The following BTBD9 variants were observed in gnomAD, a reference collection of about 807,000 sequenced individuals.
BTBD9 encodes BTB/POZ domain-containing protein 9.
Under a neutral mutation model 64.3 loss-of-function variants are expected in BTBD9, and 49 were observed. The ratio of observed to expected loss-of-function variants is 0.76; its 90% confidence interval spans 0.61 to 0.97. The LOEUF is 0.97. Ranked by LOEUF, BTBD9 falls within the 50% of genes least tolerant of loss-of-function variation. The pLI is 0.00. For synonymous variants in BTBD9, 260 were observed against 274.7 expected, an observed-to-expected ratio of 0.95 and a Z score of 0.53; for missense variants, 598 against 762.1, an observed-to-expected ratio of 0.78 and a Z score of 2.53.
intron 6 of BTBD9, among the ~76,000 whole-genome samples, chr6:38,385,228 G>A (rs1344573438): frequency 6.7e-6 from 1 of 148,702 alleles, no homozygotes; most frequent in Non-Finnish European, 1.5e-5. Flanking sequence ...GTCTTGCTCT[G>A]TCGCCCAGGC....
intron 6 of BTBD9, among the ~76,000 whole-genome samples, chr6:38,402,000 A>G (rs1380900678): frequency 6.6e-6 from 1 of 152,230 alleles, no homozygotes; most frequent in Non-Finnish European, 1.5e-5. Context: ...GATGTTCTTT[A>G]AAATTGCTAA....
At chr6:38,500,524 T>A (rs1003275706) in intron 6 of BTBD9, among the ~76,000 whole-genome samples, 41 of 152,168 alleles carry the variant, frequency 2.7e-4, no homozygotes, top group Non-Finnish European at 7.3e-5. Flanking sequence ...TTCTCACTCC[T>A]CCCTTTGCAC....
At chr6:38,611,716 A>G (rs1427013109) in intron 1 of BTBD9, among the ~76,000 whole-genome samples, 2 of 152,180 alleles carry the variant, frequency 1.3e-5, no homozygotes, top group Non-Finnish European at 2.9e-5. Context: ...TACCCATCTT[A>G]AAAATATCTC....
chr6:38,419,909 C>T (rs1767830362), intron 6 of BTBD9, among the ~76,000 whole-genome samples: 1 of 152,014 alleles, frequency 6.6e-6, no homozygotes, highest in Non-Finnish European at 1.5e-5. Flanking sequence ...ACTATTTTAA[C>T]ATTTTTTATG....
At chr6:38,190,772 T>C (rs1356787983) in intron 10 of BTBD9, among the ~76,000 whole-genome samples, 1 of 152,150 alleles carries the variant, frequency 6.6e-6, no homozygotes, top group Non-Finnish European at 1.5e-5. Flanking sequence ...TAGAATAGCT[T>C]TGAAAAAAAA....
chr6:38,346,749 G>A (rs1764291590), intron 6 of BTBD9, among the ~76,000 whole-genome samples: 1 of 152,252 alleles, frequency 6.6e-6, no homozygotes, highest in Non-Finnish European at 1.5e-5. Context: ...ATTAATTCTG[G>A]CACCTTGGCC....
intron 6 of BTBD9, among the ~76,000 whole-genome samples, chr6:38,374,283 G>GTATATATATATATACA (rs57568036): frequency 0.025 from 1,115 of 45,026 alleles, 93 homozygotes; most frequent in East Asian, 0.21. Flanking sequence ...AAAAAAAAAA[G>GTATATATATATATACA]TATATATATA....
intron 9 of BTBD9, among the ~76,000 whole-genome samples, chr6:38,241,641 G>A (rs1482335848): frequency 6.6e-6 from 1 of 152,178 alleles, no homozygotes; most frequent in Non-Finnish European, 1.5e-5. Flanking sequence ...CTATACTTTA[G>A]AACTTTGTAA....
At position 38,385,794 on chromosome 6, in the gene BTBD9, CT is replaced by C. The variant is rs34019950; in HGVS notation, c.1155-40702del. Among the ~76,000 whole-genome samples the C allele has an allele frequency of 6.0e-3, 771 of 129,376 alleles. 2 individuals are homozygous for C. Among genetic ancestry groups the C allele is most frequent in the Non-Finnish European group, 7.6e-3 (468 of 61,878 alleles). 84.9% of individuals were successfully genotyped at this position (129,376 alleles called of 152,430 possible). A position where few individuals can be genotyped will look rare whatever the true frequency, so the allele number is the denominator to read the frequency against. ...CTATTAGAGATTAAATAATATCATA[CT>C]TTTTTTTTTTTTTTTTTGAGACAGA... On this transcript the variant is annotated intron_variant, in intron 6 of 10. Coordinates refer to ENST00000481247, the MANE Select transcript of BTBD9 (RefSeq NM_001099272.2).
At chr6:38,302,638 T>A (rs565799165) in intron 7 of BTBD9, among the ~76,000 whole-genome samples, 6 of 151,642 alleles carry the variant, frequency 4.0e-5, no homozygotes, top group Non-Finnish European at 8.8e-5. Flanking sequence ...TGTCATAGAT[T>A]TCATTTCCTT....
In BTBD9 at chr6:38,413,769, T is replaced by A. The variant is rs561373750; in HGVS notation, c.1155-68676A>T. Among the ~76,000 whole-genome samples, 306 of 152,312 alleles carry A rather than the reference T, an allele frequency of 2.0e-3. 1 individual carries two copies. Among genetic ancestry groups the A allele is most frequent in the Non-Finnish European group, 3.8e-3 (260 of 68,010 alleles). Reference sequence around the variant, plus strand: ...ATGGTCACACAACTACTATTTTTTTTAAACAATATTCTAATTAGAAACCAA... The same window carrying A: ...ATGGTCACACAACTACTATTTTTTTAAAACAATATTCTAATTAGAAACCAA... On this transcript the variant is annotated intron_variant, in intron 6 of 10. Coordinates refer to ENST00000481247, the MANE Select transcript of BTBD9 (RefSeq NM_001099272.2).
intron 6 of BTBD9, among the ~76,000 whole-genome samples, chr6:38,494,752 A>C (rs1213466540): frequency 6.6e-6 from 1 of 152,256 alleles, no homozygotes; most frequent in Admixed American, 6.5e-5. Context: ...GTAGGAAAAG[A>C]TAACCCTTTG....
intron 6 of BTBD9, chr6:38,482,202 C>T (rs563246498): frequency 6.6e-6 from 1 of 152,184 alleles, no homozygotes; most frequent in African/African-American, 2.4e-5. Context: ...GCCCTCTACG[C>T]CCCCAACCCC....
At chr6:38,590,899 A>T (rs1465130944) in intron 4 of BTBD9, among the ~76,000 whole-genome samples, 2 of 152,172 alleles carry the variant, frequency 1.3e-5, no homozygotes, top group African/African-American at 2.4e-5. Flanking sequence ...ATATCCCTTG[A>T]ATCATCAAGA....
intron 8 of BTBD9, among the ~76,000 whole-genome samples, chr6:38,274,006 C>G (rs1208396049): frequency 2.0e-5 from 3 of 152,212 alleles, no homozygotes; most frequent in Non-Finnish European, 4.4e-5. Flanking sequence ...CTAATCTGAT[C>G]ATCATCTTCT....
At chr6:38,418,909 T>C (rs62397044) in intron 6 of BTBD9, among the ~76,000 whole-genome samples, 17,789 of 152,038 alleles carry the variant, frequency 0.12, 1,141 homozygotes, top group Non-Finnish European at 0.13. Context: ...GCCCAGGAGT[T>C]TGAGTCCAGC....
intron 9 of BTBD9, among the ~76,000 whole-genome samples, chr6:38,235,020 C>T (rs961612597): frequency 1.3e-5 from 2 of 152,234 alleles, no homozygotes; most frequent in African/African-American, 4.8e-5. Context: ...CTCCTGGGGA[C>T]AGGCTCTGAG....
chr6:38,419,988 T>C (rs1239514831), intron 6 of BTBD9, among the ~76,000 whole-genome samples: 1 of 152,170 alleles, frequency 6.6e-6, no homozygotes, highest in Admixed American at 6.5e-5. Context: ...TAAATGATAC[T>C]AGACCTGAAA....
chr6:38,201,021 A>C (rs1762446099), intron 9 of BTBD9, among the ~76,000 whole-genome samples: 2 of 62,888 alleles, frequency 3.2e-5, no homozygotes, highest in Non-Finnish European at 9.5e-5. Flanking sequence ...CCCTGTCTAT[A>C]AAAAAAATAA....
Sources: gnomAD v4.1 joint callset for allele counts (sites outside exome capture counted in the v4.1 genomes callset) on GRCh38, gnomAD v4.1.1 for gene constraint, MANE v1.5 for transcripts, NCBI Gene and HGNC (gene_info 2026-07-23, HGNC 2026-07-21) for gene names.